YAP1: variants seen among roughly 807,000 people sequenced by gnomAD.
YAP1 encodes the protein Yes1 associated transcriptional regulator.
Under a neutral mutation model 56.9 loss-of-function variants are expected in YAP1, and 5 were observed. The observed-to-expected ratio is 0.09, with a 90% CI of 0.05 to 0.18. The LOEUF is 0.18. YAP1 is among the 10% of genes least tolerant of loss of function. The pLI, the probability that YAP1 is intolerant of heterozygous loss-of-function variation, is 1.00. For synonymous variants in YAP1, 265 were observed against 248.1 expected, an observed-to-expected ratio of 1.07 and a Z score of -0.64; for missense variants, 539 against 651.8, an observed-to-expected ratio of 0.83 and a Z score of 1.88.
chr11:102,198,717 A>G (rs1207925469), intron 4 of YAP1, among the ~76,000 whole-genome samples: 37 of 152,148 alleles, frequency 2.4e-4, no homozygotes, highest in Non-Finnish European at 2.9e-4. Flanking sequence ...TGTTCATTGT[A>G]TGTGATGAAT....
At chr11:102,219,629 A>T (rs904565695) in intron 6 of YAP1, among the ~76,000 whole-genome samples, 1 of 152,104 alleles carries the variant, frequency 6.6e-6, no homozygotes, top group Non-Finnish European at 1.5e-5. Context: ...AGGGATCCCC[A>T]TAAGACTGCA....
intron 2 of YAP1, among the ~76,000 whole-genome samples, chr11:102,132,146 G>A (rs774653537): frequency 2.0e-4 from 30 of 152,042 alleles, no homozygotes; most frequent in African/African-American, 3.6e-4. Flanking sequence ...GAGTGATACC[G>A]GTGAGCAGAC....
At chr11:102,112,738 T>C in intron 1 of YAP1, 1 of 985,402 alleles carries the variant, frequency 1.0e-6, no homozygotes. Flanking sequence ...CACTTCAATT[T>C]GTCTTAGGTA....
At chr11:102,204,107 G>C (rs1949006969) in intron 4 of YAP1, among the ~76,000 whole-genome samples, 1 of 151,546 alleles carries the variant, frequency 6.6e-6, no homozygotes, top group African/African-American at 2.4e-5. Context: ...AGAAGAATTG[G>C]GCAGTCTTGA....
intron 4 of YAP1, among the ~76,000 whole-genome samples, chr11:102,199,655 A>G (rs1204022381): frequency 6.6e-6 from 1 of 152,242 alleles, no homozygotes; most frequent in Non-Finnish European, 1.5e-5. Context: ...CCAAAAAGAC[A>G]CAACTAGGGT....
chr11:102,111,292 G>A, intron 1 of YAP1, 123 bp downstream of exon 1: 1 of 1,204,468 alleles, frequency 8.3e-7, no homozygotes, highest in Non-Finnish European at 1.1e-6. Flanking sequence ...TAGCTGGGGT[G>A]GGGGTCCCGA....
chr11:102,129,402 C>T (rs935224456), intron 2 of YAP1, among the ~76,000 whole-genome samples: 6 of 151,938 alleles, frequency 3.9e-5, no homozygotes, highest in Non-Finnish European at 7.4e-5. Context: ...GGGTGGATCA[C>T]GAGGTCAGGA....
intron 4 of YAP1, among the ~76,000 whole-genome samples, chr11:102,200,059 TG>T (rs1234109045): frequency 1.3e-5 from 2 of 152,256 alleles, no homozygotes; most frequent in African/African-American, 4.8e-5. Flanking sequence ...TTGTACATAT[TG>T]TACATACTAA....
At chr11:102,213,301 A>G (rs879321422) in intron 6 of YAP1, among the ~76,000 whole-genome samples, 3 of 152,100 alleles carry the variant, frequency 2.0e-5, no homozygotes, top group Non-Finnish European at 2.9e-5. Context: ...CCTGGTCAAC[A>G]TGGTGAAACC....
chr11:102,135,548 G>A (rs1001735828), intron 2 of YAP1, among the ~76,000 whole-genome samples: 2 of 152,174 alleles, frequency 1.3e-5, no homozygotes, highest in African/African-American at 4.8e-5. Flanking sequence ...CGGTCTGAAG[G>A]CAGTTGGATT....
chr11:102,210,948 G>A (rs1488040134), intron 6 of YAP1, among the ~76,000 whole-genome samples: 1 of 152,030 alleles, frequency 6.6e-6, no homozygotes, highest in African/African-American at 2.4e-5. Flanking sequence ...GTAGAGACGG[G>A]GTTTCACAGT....
intron 2 of YAP1, among the ~76,000 whole-genome samples, chr11:102,123,689 G>T (rs1250256573): frequency 6.8e-6 from 1 of 147,816 alleles, no homozygotes; most frequent in African/African-American, 2.5e-5. Context: ...ACCCAGGTTG[G>T]AGTGCAGTGG....
rs1330886171 is a variant in YAP1, at chr11:102,232,255, C to G, written c.*2315C>G. 1 of 101,648 alleles carries G rather than the reference C, an allele frequency of 9.8e-6. No individual in the cohort carries two copies. The highest frequency in any genetic ancestry group is 3.1e-4 in the East Asian group (1 of 3,248). The allele number at this position is 101,648 out of a possible 1,614,324, so 6.3% of individuals were successfully genotyped here. On this transcript the variant is annotated 3_prime_UTR_variant, in exon 9 of 9. Coordinates refer to ENST00000282441, the MANE Select transcript of YAP1 (RefSeq NM_001130145.3). ...TTATATATCAGCAGATTAGCTTTAG[C>G]TTAGGGGGAGGGTGGGAAAGTTTGG...
chr11:102,188,178 C>G (rs1207573400), intron 4 of YAP1, among the ~76,000 whole-genome samples: 2 of 152,164 alleles, frequency 1.3e-5, no homozygotes, highest in Non-Finnish European at 2.9e-5. Context: ...TATAAACTAT[C>G]CCCTTGTTTC....
chr11:102,118,573 C>G (rs1231054825), intron 2 of YAP1, among the ~76,000 whole-genome samples: 1 of 149,800 alleles, frequency 6.7e-6, no homozygotes, highest in African/African-American at 2.5e-5. Flanking sequence ...GCGTGATTCT[C>G]CTGCCCCATC....
chr11:102,210,570 A>AG (rs1334781158), intron 6 of YAP1, among the ~76,000 whole-genome samples: 2 of 152,166 alleles, frequency 1.3e-5, no homozygotes, highest in Non-Finnish European at 2.9e-5. Context: ...AGACCAAGCA[A>AG]GGGATAACTC....
intron 2 of YAP1, among the ~76,000 whole-genome samples, chr11:102,160,101 G>T (rs545737092): frequency 2.9e-5 from 4 of 137,770 alleles, no homozygotes; most frequent in Non-Finnish European, 6.0e-5. Flanking sequence ...TTGGCTCATC[G>T]CAACCTCTGC....
At chr11:102,160,327 A>G (rs1256947493) in intron 2 of YAP1, among the ~76,000 whole-genome samples, 1 of 152,200 alleles carries the variant, frequency 6.6e-6, no homozygotes, top group Admixed American at 6.5e-5. Flanking sequence ...CTGGCCCAGC[A>G]TATTTTTTTA....
At chr11:102,203,093 G>A (rs1001467390) in intron 4 of YAP1, among the ~76,000 whole-genome samples, 12 of 152,184 alleles carry the variant, frequency 7.9e-5, no homozygotes, top group African/African-American at 1.2e-4. Context: ...TCCTCAGAGC[G>A]CTGGCATGAA....
Sources: gnomAD v4.1 joint callset for allele counts (sites outside exome capture counted in the v4.1 genomes callset) on GRCh38, gnomAD v4.1.1 for gene constraint, MANE v1.5 for transcripts, NCBI Gene and HGNC (gene_info 2026-07-23, HGNC 2026-07-21) for gene names.